The following UNC13D variants were observed in gnomAD, a reference collection of about 807,000 sequenced individuals.
The protein encoded by UNC13D is protein unc-13 homolog D.
UNC13D carries 115 observed loss-of-function variants against 151.7 expected under a neutral mutation model. The observed-to-expected ratio is 0.76, with a 90% CI of 0.65 to 0.88. The LOEUF (loss-of-function observed/expected upper bound fraction) is 0.88, where lower values mean the gene tolerates loss of function less well. Among genes scored for constraint, UNC13D ranks in the 40% least tolerant of loss-of-function variants. The pLI is 0.00. For missense variants in UNC13D, 1,369 were observed against 1,438.7 expected (o/e 0.95, Z 0.78); for synonymous variants, 588 against 612.2 (o/e 0.96, Z 0.58).
chr17:75,835,277 C>T (rs959022833), intron 20 of UNC13D, 132 bp downstream of exon 20: 4 of 1,385,860 alleles, frequency 2.9e-6, no homozygotes, highest in African/African-American at 1.4e-5. Flanking sequence ...TTGCACAAAA[C>T]TGGACTCAAG....
chr17:75,828,926 C>T lies in UNC13D; in HGVS notation c.3012G>A (p.Leu1004=), dbSNP rs1369980506. Residue 1004 remains leucine, a synonymous_variant, in exon 31 of 32, where the codon CTG becomes CTA. Transcript: ENST00000207549. Reference sequence around the variant, plus strand: ...CGTCGGCCCCCAGCGTGTCGTAGTCCAGCACGGTGAGCAGGAGGCATGCCC... The same window carrying T: ...CGTCGGCCCCCAGCGTGTCGTAGTCTAGCACGGTGAGCAGGAGGCATGCCC... The part of the protein sequence containing the change: ...KAGACLLLTV[L]DYDTLGADDL... 3 of 1,607,034 alleles carry T rather than the reference C, an allele frequency of 1.9e-6. No homozygotes were observed. Among genetic ancestry groups the T allele is most frequent in the African/African-American group, 2.7e-5 (2 of 75,042 alleles).
chr17:75,834,341 C>T lies in UNC13D; in HGVS notation c.2282G>A (p.Arg761His), dbSNP rs760020541. ...ACAAGGTACCTGCTCGGCCAGGGTG[C>T]GGACGCCAGTGCGGATCTCATGGCC... Reference protein sequence around the residue: ...GLGHEIRTGVRTLAEQLEVGI... With the variant: ...GLGHEIRTGVHTLAEQLEVGI... Residue 761 changes from arginine (R) to histidine (H), a missense_variant, in exon 23 of 32, where the codon CGC becomes CAC. Arg to His is a conservative substitution (Grantham distance 29, BLOSUM62 0). This residue lies in a region of UNC13D where 807 missense variants were observed against 795.5 expected (regional missense o/e 1.01). Transcript: ENST00000207549. 6.3e-6 allele frequency: 10 copies of T among 1,594,312 alleles called. No homozygotes were observed. Among genetic ancestry groups the T allele is most frequent in the Middle Eastern group, 2.2e-4 (1 of 4,586 alleles).
intron 2 of UNC13D, 58 bp downstream of exon 2, chr17:75,843,426 C>T: frequency 6.3e-7 from 1 of 1,580,970 alleles, no homozygotes; most frequent in Non-Finnish European, 8.6e-7. Flanking sequence ...CGTCGGCCGG[C>T]AGGAGGACAC....
At position 75,830,355 on chromosome 17, in the gene UNC13D, C is replaced by G. The variant is rs201023196; in HGVS notation, c.2830+7G>C. The G allele has an allele frequency of 6.3e-7, 1 of 1,592,956 alleles. No homozygotes were observed. The highest frequency in any genetic ancestry group is 1.1e-5 in the South Asian group (1 of 87,800). On this transcript the variant is annotated splice_region_variant and intron_variant, in intron 29 of 31. Transcript: ENST00000207549. ...ATGGAGAGTGGCCAAAGGCAGCCTC[C>G]ACTCACCATTGGAGTCCAGGGGCAG...
intron 6 of UNC13D, among the ~76,000 whole-genome samples, chr17:75,842,108 T>C (rs996150381): frequency 2.0e-5 from 3 of 152,086 alleles, no homozygotes; most frequent in Non-Finnish European, 4.4e-5. Context: ...CTCAGTCTCC[T>C]GGCCTCCCAA....
At chr17:75,841,874 G>A (rs546107245) in intron 6 of UNC13D, among the ~76,000 whole-genome samples, 56 of 149,864 alleles carry the variant, frequency 3.7e-4, no homozygotes, top group Admixed American at 2.8e-3. Context: ...TCAGCCTTCC[G>A]AGTAGCTGGG....
In UNC13D at chr17:75,836,597, G is replaced by A; in HGVS notation, c.1273C>T (p.Pro425Ser). 6.2e-7 allele frequency: 1 copy of A among 1,613,828 alleles called. No individual in the cohort carries two copies. The highest frequency in any genetic ancestry group is 8.5e-7 in the Non-Finnish European group (1 of 1,180,024). Residue 425 changes from proline (P) to serine (S), a missense_variant, in exon 14 of 32, where the codon CCA becomes TCA. Around this residue, in one of 3 missense-constraint regions of UNC13D, gnomAD observed 550 missense variants for 609.0 expected, o/e 0.90. Transcript: ENST00000207549. ...CTGAGAAGAGACTGCAGCCGGGCTG[G>A]GGAGTCCGAGACAGAGAGGGGGAAG... Reference protein sequence around the residue: ...SVFPLSVSDSPARLQSLLRVL... With the variant: ...SVFPLSVSDSSARLQSLLRVL...
At chr17:75,835,952 C>G in intron 17 of UNC13D, 46 bp from the exon 18 acceptor site, 1 of 1,614,080 alleles carries the variant, frequency 6.2e-7, no homozygotes, top group Middle Eastern at 1.6e-4. Flanking sequence ...ACACCAGGGT[C>G]CCCATGGTTC....
Position 75,833,993 on chromosome 17 carries a change from C to A in UNC13D, c.2367+82G>T. Reference sequence around the variant, plus strand: ...GCTTTGCCTGGTCTGGGGGACTTATCTTTGACACCAAGGCCTTCAATGACC... The same window carrying A: ...GCTTTGCCTGGTCTGGGGGACTTATATTTGACACCAAGGCCTTCAATGACC... On this transcript the variant is annotated intron_variant, in intron 24 of 31. Transcript: ENST00000207549. This position sits in a 1 kb window ranked among gnomAD's most constrained non-coding sequence, Gnocchi z 4.0. 1 of 1,567,012 alleles carries A rather than the reference C, an allele frequency of 6.4e-7. No individual in the cohort carries two copies. The highest frequency in any genetic ancestry group is 1.1e-5 in the South Asian group (1 of 89,934).
In UNC13D at chr17:75,840,861, G is replaced by A. The variant is rs752432374; in HGVS notation, c.615-31C>T. On this transcript the variant is annotated intron_variant, in intron 7 of 31. Transcript: ENST00000207549. This position sits in a 1 kb window ranked among gnomAD's most constrained non-coding sequence, Gnocchi z 4.6. ...AGGACAGAGGTTTGAGAAGGAAGCA[G>A]AGAGAGTGCCTACGACCTCTTCCAG... 1 of 1,614,050 alleles carries A rather than the reference G, an allele frequency of 6.2e-7. No homozygotes were observed. The highest frequency in any genetic ancestry group is 1.1e-5 in the South Asian group (1 of 91,072).
chr17:75,827,903 C>A lies in UNC13D; in HGVS notation c.*62G>T. ...CGCGATGTGGCGGGGAAGCCCCAGA[C>A]CCTACAGGAAAGCCCTTGCAAGTCC... On this transcript the variant is annotated 3_prime_UTR_variant, in exon 32 of 32. Transcript: ENST00000207549. 1.3e-6 allele frequency: 2 copies of A among 1,576,524 alleles called. No individual in the cohort carries two copies. Among genetic ancestry groups the A allele is most frequent in the Non-Finnish European group, 1.7e-6 (2 of 1,165,748 alleles).
intron 27 of UNC13D, 64 bp downstream of exon 27, chr17:75,831,034 T>C (rs948386155): frequency 1.8e-5 from 28 of 1,588,972 alleles, no homozygotes; most frequent in East Asian, 8.9e-5. Flanking sequence ...ACCCTGGACA[T>C]AGGTGAGTGC....
intron 30 of UNC13D, 109 bp downstream of exon 30, chr17:75,829,919 G>A: frequency 6.6e-7 from 1 of 1,515,044 alleles, no homozygotes; most frequent in South Asian, 1.2e-5. Flanking sequence ...GGGCCCAAAT[G>A]TGGCCATCTC....
rs778755148 is a variant in UNC13D, at chr17:75,835,468, G to A, written c.1789C>T (p.Leu597=). The A allele has an allele frequency of 6.2e-7, 1 of 1,612,952 alleles. No homozygotes were observed. The highest frequency in any genetic ancestry group is 1.7e-5 in the Admixed American group (1 of 59,942). The change falls in exon 20 of 32, where the codon CTG becomes TTG. Residue 597 remains leucine (L), a synonymous_variant. Transcript: ENST00000207549. ...RWFQPAIPSW[L]QKTYNEALAR... ...AGGGCCTCGTTGTACGTCTTCTGCA[G>A]CCAGGAGGGGATGGCCGGCTGGAAC... is the stretch of plus-strand genomic sequence containing the variant.
At chr17:75,835,825 G>A (rs1229366787) in intron 18 of UNC13D, 30 bp downstream of exon 18, 1 of 1,613,934 alleles carries the variant, frequency 6.2e-7, no homozygotes. Flanking sequence ...CTGTTGGAGG[G>A]CATGCCCTAG....
chr17:75,834,012 A>G (rs965560239), intron 24 of UNC13D, 63 bp downstream of exon 24: 2 of 1,603,422 alleles, frequency 1.2e-6, no homozygotes, highest in African/African-American at 1.3e-5. Context: ...CAAGGCCTTC[A>G]ATGACCCCAG....
rs1407098978 is a variant in UNC13D at position 75,833,336 on chromosome 17, T to C, written c.2368-291A>G. On this transcript the variant is annotated intron_variant, in intron 24 of 31. Coordinates refer to ENST00000207549, the MANE Select transcript of UNC13D (RefSeq NM_199242.3). The surrounding 1 kb of genome is among the most constrained non-coding windows in gnomAD (Gnocchi z 4.0). The stretch of plus-strand genomic sequence containing the variant: ...GCCTGGAATGCTCCTCCCCTAGAAC[T>C]TCTCATGCCTCCTCCCCTTGCTTCC... 2 of 288,922 alleles carry C rather than the reference T, an allele frequency of 6.9e-6. No individual in the cohort carries two copies. The highest frequency in any genetic ancestry group is 1.4e-5 in the Non-Finnish European group (2 of 148,078). 17.9% of individuals were successfully genotyped at this position (288,922 alleles called of 1,614,324 possible). A position where few individuals can be genotyped will look rare whatever the true frequency, so the allele number is the denominator to read the frequency against.
At chr17:75,830,811 G>A in intron 27 of UNC13D, 150 bp from the exon 28 acceptor site, 1 of 1,064,952 alleles carries the variant, frequency 9.4e-7, no homozygotes, top group Non-Finnish European at 1.4e-6. Context: ...CCACCCTCAG[G>A]CCAGACAGAC....
intron 31 of UNC13D, 85 bp downstream of exon 31, chr17:75,828,702 G>C: frequency 2.9e-6 from 4 of 1,374,370 alleles, no homozygotes; most frequent in South Asian, 1.7e-5. Flanking sequence ...GCTGTTCTCC[G>C]ACCCTGGCAT....
Sources: gnomAD v4.1 joint callset for allele counts (sites outside exome capture counted in the v4.1 genomes callset) on GRCh38, gnomAD v4.1.1 for gene constraint, gnomAD v4.1.1 regional missense constraint, Gnocchi (gnomAD v3.1) non-coding constraint, MANE v1.5 for transcripts, NCBI Gene and HGNC (gene_info 2026-07-23, HGNC 2026-07-21) for gene names.